The following MSRB3 variants were observed in gnomAD, a reference collection of about 807,000 sequenced individuals.
MSRB3 encodes the protein methionine sulfoxide reductase B3.
MSRB3 carries 13 observed loss-of-function variants against 21.0 expected under a neutral mutation model. The ratio of observed to expected loss-of-function variants is 0.62; its 90% CI spans 0.40 to 0.98. MSRB3 has a LOEUF of 0.98. Among genes scored for constraint, MSRB3 ranks in the 50% least tolerant of loss-of-function variants. The pLI, the probability that MSRB3 is intolerant of heterozygous loss-of-function variation, is 0.00. For synonymous variants in MSRB3, 87 were observed against 88.6 expected, an observed-to-expected ratio of 0.98 and a Z score of 0.10; for missense variants, 199 against 230.3, an observed-to-expected ratio of 0.86 and a Z score of 0.88.
At chr12:65,282,700 A>G (rs1436799868) in intron 1 of MSRB3, among the ~76,000 whole-genome samples, 2 of 120,940 alleles carry the variant, frequency 1.7e-5, no homozygotes, top group East Asian at 4.6e-4. Flanking sequence ...TTTTCTCTTC[A>G]TGGTTAGATG....
chr12:65,308,511 G>A lies in MSRB3; in HGVS notation c.-51-18G>A. On this transcript the variant is annotated intron_variant, in intron 1 of 6. Coordinates refer to ENST00000308259, the MANE Select transcript of MSRB3 (RefSeq NM_001031679.3). ...ATGTTTTAATTTGATTTTTGTTTTT[G>A]TTTTTTCTCCTACTCAGCTCTTGCC... is the stretch of plus-strand genomic sequence containing the variant. The A allele has an allele frequency of 6.2e-7, 1 of 1,612,818 alleles. No homozygotes were observed. The highest frequency in any genetic ancestry group is 8.5e-7 in the Non-Finnish European group (1 of 1,179,446).
chr12:65,442,037 AT>A (rs1392636929), intron 5 of MSRB3, among the ~76,000 whole-genome samples: 19 of 152,200 alleles, frequency 1.2e-4, no homozygotes, highest in African/African-American at 4.3e-4. Flanking sequence ...GGTTTTCAGA[AT>A]TTAAATTTTA....
In MSRB3 at chr12:65,328,582, T is replaced by A; in HGVS notation, c.242T>A (p.Val81Asp). Reference protein sequence around the residue: ...HKDPGIYKCVVCGTPLFKSET... With the variant: ...HKDPGIYKCVDCGTPLFKSET... ...GATCCTGGAATATATAAATGTGTTG[T>A]TTGTGGAACTCCATTGTTTAAGTAA... The change falls in exon 4 of 7, where the codon GTT (valine) becomes GAT (aspartate). Residue 81 changes from valine (V) to aspartate (D), a missense_variant. By Grantham distance (152) the Val-to-Asp change is radical. Transcript: ENST00000308259. 6.2e-7 allele frequency: 1 copy of A among 1,612,084 alleles called. No individual in the cohort carries two copies. The highest frequency in any genetic ancestry group is 8.5e-7 in the Non-Finnish European group (1 of 1,178,356).
At position 65,316,903 on chromosome 12, in the gene MSRB3, G is replaced by A. The variant is rs140126480; in HGVS notation, c.76+8248G>A. On this transcript the variant is annotated intron_variant, in intron 2 of 6. Transcript: ENST00000308259. ...TTCTTCTGAAGGATATTGAAGGAATGTGTAGATGTAATTAGTGGGAGGTGG... is the reference window on the plus strand; with the variant it reads ...TTCTTCTGAAGGATATTGAAGGAATATGTAGATGTAATTAGTGGGAGGTGG... 4.6e-3 allele frequency among the ~76,000 whole-genome samples: 699 copies of A among 152,254 alleles called. 5 individuals carry two copies. The highest frequency in any genetic ancestry group is 0.016 in the African/African-American group (675 of 41,550).
intron 6 of MSRB3, among the ~76,000 whole-genome samples, chr12:65,462,555 A>G (rs956941336): frequency 6.6e-6 from 1 of 152,210 alleles, no homozygotes; most frequent in Non-Finnish European, 1.5e-5. Flanking sequence ...AAGCCAGGAA[A>G]AAAACAATTG....
At chr12:65,426,101 GC>G in intron 5 of MSRB3, among the ~76,000 whole-genome samples, 1 of 152,122 alleles carries the variant, frequency 6.6e-6, no homozygotes, top group South Asian at 2.1e-4. Flanking sequence ...CAAGCAATCT[GC>G]CCGCCCGCCT....
chr12:65,439,821 G>T (rs1009824482), intron 5 of MSRB3, among the ~76,000 whole-genome samples: 1 of 151,580 alleles, frequency 6.6e-6, no homozygotes, highest in Admixed American at 6.6e-5. Context: ...TGAATCCAAA[G>T]ATGGTTTTTT....
At chr12:65,311,637 A>G (rs1873993320) in intron 2 of MSRB3, among the ~76,000 whole-genome samples, 1 of 152,110 alleles carries the variant, frequency 6.6e-6, no homozygotes, top group South Asian at 2.1e-4. Context: ...TTGGAAATAC[A>G]GGAAGTGAAG....
chr12:65,325,005 C>T (rs1224288620), intron 2 of MSRB3, among the ~76,000 whole-genome samples: 2 of 142,284 alleles, frequency 1.4e-5, no homozygotes, highest in East Asian at 2.0e-4. Context: ...GTCATTTTGT[C>T]ATGTTAAGTT....
At chr12:65,378,329 A>G (rs1220529238) in intron 5 of MSRB3, among the ~76,000 whole-genome samples, 1 of 152,182 alleles carries the variant, frequency 6.6e-6, no homozygotes, top group Non-Finnish European at 1.5e-5. Flanking sequence ...TATTATCACA[A>G]TAATGCAGTA....
At chr12:65,310,434 C>G (rs950204735) in intron 2 of MSRB3, among the ~76,000 whole-genome samples, 3 of 152,176 alleles carry the variant, frequency 2.0e-5, no homozygotes, top group Non-Finnish European at 4.4e-5. Context: ...ACCACTAGTT[C>G]TTGTGCTTTG....
chr12:65,400,019 G>C (rs557372379), intron 5 of MSRB3, among the ~76,000 whole-genome samples: 1 of 152,134 alleles, frequency 6.6e-6, no homozygotes, highest in African/African-American at 2.4e-5. Flanking sequence ...TTTTATTGAG[G>C]ATTTTCACAT....
chr12:65,430,788 A>G (rs567754802), intron 5 of MSRB3, among the ~76,000 whole-genome samples: 1 of 152,008 alleles, frequency 6.6e-6, no homozygotes, highest in South Asian at 2.1e-4. Context: ...TCCTGGACCT[A>G]CTCCTAAGCT....
chr12:65,393,964 T>C (rs1463490374), intron 5 of MSRB3, among the ~76,000 whole-genome samples: 3 of 152,128 alleles, frequency 2.0e-5, no homozygotes, highest in Non-Finnish European at 4.4e-5. Context: ...TATCCCTTTA[T>C]GGTTTTAAAA....
chr12:65,364,345 G>GGGA (rs1877882408), intron 4 of MSRB3, among the ~76,000 whole-genome samples: 1 of 152,090 alleles, frequency 6.6e-6, no homozygotes, highest in Non-Finnish European at 1.5e-5. Context: ...AATTAAAAGG[G>GGGA]GGAGGATGAA....
intron 4 of MSRB3, among the ~76,000 whole-genome samples, chr12:65,350,531 G>A (rs1876893312): frequency 6.6e-6 from 1 of 151,264 alleles, no homozygotes; most frequent in African/African-American, 2.5e-5. Context: ...TGGATAAAGA[G>A]TCAAGACCCA....
intron 1 of MSRB3, among the ~76,000 whole-genome samples, chr12:65,300,065 T>TA (rs1483434323): frequency 1.3e-5 from 2 of 152,220 alleles, no homozygotes. Context: ...TTGATTGATT[T>TA]AAAATCAAAA....
chr12:65,312,376 C>T (rs1317171309), intron 2 of MSRB3, among the ~76,000 whole-genome samples: 6 of 151,862 alleles, frequency 4.0e-5, no homozygotes, highest in Non-Finnish European at 8.8e-5. Flanking sequence ...AAGACTGAAG[C>T]ATTATCTGAG....
intron 5 of MSRB3, among the ~76,000 whole-genome samples, chr12:65,376,831 A>AAAAG (rs925291444): frequency 1.3e-5 from 2 of 152,142 alleles, no homozygotes; most frequent in Non-Finnish European, 2.9e-5. Flanking sequence ...AAATATATAT[A>AAAAG]AAAGAAAGAA....
Sources: gnomAD v4.1 joint callset for allele counts (sites outside exome capture counted in the v4.1 genomes callset) on GRCh38, gnomAD v4.1.1 for gene constraint, MANE v1.5 for transcripts, NCBI Gene and HGNC (gene_info 2026-07-23, HGNC 2026-07-21) for gene names.